The following ARSF variants were observed in gnomAD, a reference collection of about 807,000 sequenced individuals.
The protein encoded by ARSF is arylsulfatase F.
ARSF carries 33 observed loss-of-function variants against 35.4 expected under a neutral mutation model. That is an observed-to-expected ratio of 0.93 (90% CI 0.71 to 1.25). ARSF has a LOEUF of 1.25. Ranked by LOEUF, ARSF falls within the 50% of genes most tolerant of loss-of-function variation. The pLI, the probability that ARSF is intolerant of heterozygous loss-of-function variation, is 0.00. For synonymous variants in ARSF, 222 were observed against 193.1 expected, an observed-to-expected ratio of 1.15 and a Z score of -1.24; for missense variants, 501 against 480.2, an observed-to-expected ratio of 1.04 and a Z score of -0.40.
Position 3,103,925 on chromosome X carries a change from G to A in ARSF, c.1265+1G>A. On this transcript the variant is annotated splice_donor_variant, in intron 9 of 10. Transcript: ENST00000381127. LOFTEE classifies it high-confidence loss of function. ...CAGGAGGAAGTCTCCCTCAGGACAG[G>A]TGATGTCATATAAACTGTTAACAAG... is the stretch of plus-strand genomic sequence containing the variant. The A allele has an allele frequency of 8.3e-7, 1 of 1,208,728 alleles. No homozygotes were observed. Among genetic ancestry groups the A allele is most frequent in the Non-Finnish European group, 1.1e-6 (1 of 893,587 alleles).
chrX:3,098,759 AT>A (rs1028563769), intron 7 of ARSF, among the ~76,000 whole-genome samples: 6 of 111,062 alleles, frequency 5.4e-5, no homozygotes, highest in Non-Finnish European at 1.1e-4. Flanking sequence ...GTATGTAACA[AT>A]TTTTTTTAAA....
At chrX:3,079,957 TCAA>T (rs1471630646) in intron 4 of ARSF, among the ~76,000 whole-genome samples, 1 of 52,504 alleles carries the variant, frequency 1.9e-5, no homozygotes. Context: ...AGATTTCATG[TCAA>T]CAACAACAAC....
At chrX:3,101,344 C>A in intron 8 of ARSF, 123 bp downstream of exon 8, 1 of 850,649 alleles carries the variant, frequency 1.2e-6, no homozygotes, top group Non-Finnish European at 1.6e-6. Flanking sequence ...TTTAATTTGA[C>A]TCTTAGTAAA....
chrX:3,093,120 G>T lies in ARSF; in HGVS notation c.967+3488G>T. Among the ~76,000 whole-genome samples, 3 of 111,435 alleles carry T rather than the reference G, an allele frequency of 2.7e-5. 1 individual carries two copies. In the Admixed American group the frequency reaches 2.8e-4, roughly 11 times the overall value. ...GGCAGAGCTTGCAGTGGCCGAGATC[G>T]CGCCACTGCACTCCAGCCTGGGCAA... On this transcript the variant is annotated intron_variant, in intron 7 of 10. Transcript: ENST00000381127.
intron 7 of ARSF, among the ~76,000 whole-genome samples, chrX:3,092,975 A>G (rs2147527875): frequency 8.9e-6 from 1 of 111,769 alleles, no homozygotes; most frequent in South Asian, 3.7e-4. Context: ...AATCAAAACC[A>G]TCCTGGTTAA....
At chrX:3,088,118 G>A (rs1176227000) in intron 6 of ARSF, among the ~76,000 whole-genome samples, 1 of 111,944 alleles carries the variant, frequency 8.9e-6, no homozygotes, top group African/African-American at 3.2e-5. Flanking sequence ...AATTAACAGC[G>A]GGTCAGCCTA....
chrX:3,091,814 A>G (rs1569143969), intron 7 of ARSF, among the ~76,000 whole-genome samples: 1 of 47,954 alleles, frequency 2.1e-5, no homozygotes, highest in Non-Finnish European at 3.5e-5. Flanking sequence ...GGATAGATAG[A>G]TGATGGACTG....
At chrX:3,094,315 A>T (rs2090324805) in intron 7 of ARSF, among the ~76,000 whole-genome samples, 1 of 111,920 alleles carries the variant, frequency 8.9e-6, no homozygotes, top group Admixed American at 9.5e-5. Context: ...GTCATGTTGA[A>T]TGATGAGGAA....
At chrX:3,050,816 C>T (rs1444820110) in intron 1 of ARSF, among the ~76,000 whole-genome samples, 1 of 110,863 alleles carries the variant, frequency 9.0e-6, no homozygotes, top group Non-Finnish European at 1.9e-5. Context: ...TCACTTGAGG[C>T]GTTCTTCCCT....
chrX:3,057,310 A>G (rs2090022615), intron 1 of ARSF, among the ~76,000 whole-genome samples: 1 of 111,984 alleles, frequency 8.9e-6, no homozygotes, highest in Non-Finnish European at 1.9e-5. Context: ...TTTTTTCCCC[A>G]GAAACTCTGA....
chrX:3,105,027 T>A (rs1415314779), intron 9 of ARSF, among the ~76,000 whole-genome samples: 1 of 111,888 alleles, frequency 8.9e-6, no homozygotes, highest in East Asian at 2.8e-4. Flanking sequence ...TAGGTAGGTT[T>A]GCTGCTGATT....
At chrX:3,110,297 G>C (rs2090436613) in intron 10 of ARSF, 45 bp downstream of exon 10, 2 of 1,106,274 alleles carry the variant, frequency 1.8e-6, no homozygotes, top group Non-Finnish European at 2.4e-6. Flanking sequence ...CAGGAGCAGG[G>C]TCACTCAGGT....
chrX:3,067,936 A>T (rs2090077003), intron 1 of ARSF, 137 bp from the exon 2 acceptor site: 1 of 436,290 alleles, frequency 2.3e-6, no homozygotes, highest in Admixed American at 4.6e-5. Flanking sequence ...AAATCAATTT[A>T]AAAATGTCGG....
rs1462308325 is a variant in ARSF, at chrX:3,076,678, A to G, written c.283+9A>G. On this transcript the variant is annotated intron_variant, in intron 4 of 10. Coordinates refer to ENST00000381127, the MANE Select transcript of ARSF (RefSeq NM_001201539.2). ...ATACCCCATCCGATCAGGTGCGCAA[A>G]CTGGCGGGCTCTGCTGGGCTCTGCC... is the stretch of plus-strand genomic sequence containing the variant. 1 of 1,209,247 alleles carries G rather than the reference A, an allele frequency of 8.3e-7. No individual in the cohort carries two copies. Among genetic ancestry groups the G allele is most frequent in the Non-Finnish European group, 1.1e-6 (1 of 894,334 alleles).
At chrX:3,060,544 G>A (rs747436486) in intron 1 of ARSF, among the ~76,000 whole-genome samples, 10 of 111,485 alleles carry the variant, frequency 9.0e-5, no homozygotes, top group African/African-American at 1.6e-4. Flanking sequence ...CAAACCCATC[G>A]CAAGGACGCT....
At chrX:3,045,996 C>T (rs2089973828) in intron 1 of ARSF, among the ~76,000 whole-genome samples, 1 of 111,077 alleles carries the variant, frequency 9.0e-6, no homozygotes, top group Non-Finnish European at 1.9e-5. Context: ...AATTCTCCTG[C>T]CTCAGCCTCC....
chrX:3,075,219 G>C (rs2090136896), intron 3 of ARSF, among the ~76,000 whole-genome samples: 1 of 111,328 alleles, frequency 9.0e-6, no homozygotes, highest in Non-Finnish European at 1.9e-5. Flanking sequence ...TACAGTGAAT[G>C]GACACCATAT....
At chrX:3,075,686 A>ATGTCTGTCTCTGTCTTCCCCCTTTCTC (rs2090141416) in intron 3 of ARSF, among the ~76,000 whole-genome samples, 2 of 89,364 alleles carry the variant, frequency 2.2e-5, no homozygotes, top group African/African-American at 8.7e-5. Context: ...ATCTCTTTCT[A>ATGTCTGTCTCTGTCTTCCCCCTTTCTC]TGTCTGTCTC....
intron 3 of ARSF, among the ~76,000 whole-genome samples, chrX:3,074,438 C>T (rs1041119706): frequency 1.8e-5 from 2 of 111,341 alleles, no homozygotes; most frequent in African/African-American, 3.3e-5. Flanking sequence ...CATAATTTCT[C>T]TCATGAATAA....
Sources: allele counts gnomAD v4.1 joint callset (sites outside exome capture counted in the v4.1 genomes callset), GRCh38; gene constraint gnomAD v4.1.1; transcripts MANE v1.5; gene names NCBI Gene and HGNC (gene_info 2026-07-23, HGNC 2026-07-21).